AFF3: variants seen among roughly 807,000 people sequenced by gnomAD.
The protein encoded by AFF3 is ALF transcription elongation factor 3, also known as AF4/FMR2 family member 3.
In AFF3, 32 loss-of-function variants were observed where a neutral mutation model predicts 129.7. The observed-to-expected ratio is 0.25, with a 90% CI of 0.19 to 0.33. AFF3 has a LOEUF of 0.33. Among genes scored for constraint, AFF3 ranks in the 10% least tolerant of loss-of-function variants. The pLI is 1.00. For synonymous variants in AFF3, 644 were observed against 635.4 expected (o/e 1.01, Z -0.20); for missense variants, 1,373 against 1,592.0 (o/e 0.86, Z 2.34).
Position 100,111,105 on chromosome 2 carries a change from TCATATAACCCTAC to T in AFF3, c.-144-5535_-144-5523del, listed in dbSNP as rs566667990. Among the ~76,000 whole-genome samples the T allele has an allele frequency of 2.1e-4, 32 of 152,324 alleles. No homozygotes were observed. In the South Asian group the frequency reaches 4.8e-3, roughly 23 times the overall value. ...GGAGGCTAGGTCCTTGATGACTGCT[TCATATAACCCTAC>T]CATCTTTGGACCATCCTACCCAGAT... On this transcript the variant is annotated intron_variant, in intron 2 of 24. Transcript: ENST00000672756.
chr2:99,551,991 C>CTCCAGGT (rs1194950737), intron 24 of AFF3, among the ~76,000 whole-genome samples: 1 of 152,188 alleles, frequency 6.6e-6, no homozygotes, highest in African/African-American at 2.4e-5. Flanking sequence ...AGGGGTGAGG[C>CTCCAGGT]TCCAGGTTCC....
At chr2:99,585,143 T>C (rs1057069354) in intron 16 of AFF3, among the ~76,000 whole-genome samples, 3 of 152,194 alleles carry the variant, frequency 2.0e-5, no homozygotes, top group Admixed American at 6.5e-5. Context: ...TGATTATAAT[T>C]GTTTCTCGAA....
At chr2:99,747,867 T>C (rs540676253) in intron 9 of AFF3, among the ~76,000 whole-genome samples, 9 of 152,154 alleles carry the variant, frequency 5.9e-5, no homozygotes, top group Non-Finnish European at 1.0e-4. Flanking sequence ...GCCAAAGTAA[T>C]TGGCTATAAA....
At chr2:99,847,153 T>G (rs906509070) in intron 7 of AFF3, among the ~76,000 whole-genome samples, 1 of 152,058 alleles carries the variant, frequency 6.6e-6, no homozygotes, top group African/African-American at 2.4e-5. Flanking sequence ...TACAACACCC[T>G]ATTTTAAATT....
chr2:99,961,046 A>C (rs1224944962), intron 7 of AFF3, among the ~76,000 whole-genome samples: 2 of 152,196 alleles, frequency 1.3e-5, no homozygotes. Context: ...AGCCAGCCAG[A>C]TACCCTTTCA....
intron 8 of AFF3, among the ~76,000 whole-genome samples, chr2:99,756,017 C>T (rs371005275): frequency 1.3e-5 from 2 of 152,202 alleles, no homozygotes; most frequent in African/African-American, 4.8e-5. Context: ...GGTAACTGTG[C>T]ACAATGGTGG....
At chr2:99,914,759 CA>C (rs113656836) in intron 7 of AFF3, among the ~76,000 whole-genome samples, 105 of 143,136 alleles carry the variant, frequency 7.3e-4, no homozygotes, top group African/African-American at 9.9e-4. Flanking sequence ...ACTAAAAATA[CA>C]AAAAAAAAAA....
At chr2:99,718,806 A>G (rs1462020488) in intron 11 of AFF3, among the ~76,000 whole-genome samples, 2 of 150,834 alleles carry the variant, frequency 1.3e-5, no homozygotes, top group Admixed American at 6.6e-5. Context: ...GCTGGACTGC[A>G]GTGGCACGAT....
At chr2:99,707,365 T>A in intron 11 of AFF3, 1 of 985,264 alleles carries the variant, frequency 1.0e-6, no homozygotes, top group Non-Finnish European at 1.2e-6. Flanking sequence ...AAAAAAGCCA[T>A]CTTCATGCTT....
chr2:99,802,479 G>A (rs1174554583), intron 8 of AFF3, among the ~76,000 whole-genome samples: 2 of 152,094 alleles, frequency 1.3e-5, no homozygotes, highest in African/African-American at 4.8e-5. Flanking sequence ...TGGGCAAGAT[G>A]GTGAGACCCT....
intron 8 of AFF3, among the ~76,000 whole-genome samples, chr2:99,800,000 T>C (rs1336177179): frequency 6.6e-6 from 1 of 152,150 alleles, no homozygotes; most frequent in Non-Finnish European, 1.5e-5. Flanking sequence ...AAAAAATCCA[T>C]TGTGACTTTA....
At chr2:99,736,184 G>A (rs1031411371) in intron 10 of AFF3, among the ~76,000 whole-genome samples, 1 of 152,034 alleles carries the variant, frequency 6.6e-6, no homozygotes, top group Admixed American at 6.6e-5. Flanking sequence ...TTTTCTGTTT[G>A]CATTATACAA....
chr2:99,550,458 C>A lies in AFF3; in HGVS notation c.*1016G>T, dbSNP rs1346712126. 4.3e-6 allele frequency: 1 copy of A among 230,964 alleles called. No individual in the cohort carries two copies. Among genetic ancestry groups the A allele is most frequent in the Non-Finnish European group, 8.6e-6 (1 of 116,672 alleles). 14.3% of individuals were successfully genotyped at this position (230,964 alleles called of 1,614,324 possible). On this transcript the variant is annotated 3_prime_UTR_variant, in exon 25 of 25. Coordinates refer to ENST00000672756, the MANE Select transcript of AFF3 (RefSeq NM_001386135.1). ...GGTAAGCGAAGGATTCAGGCTCCTA[C>A]TGAAGGGACAATCTAGGTAATGGCC...
chr2:99,551,883 G>C (rs904960443), intron 24 of AFF3, among the ~76,000 whole-genome samples: 1 of 152,138 alleles, frequency 6.6e-6, no homozygotes, highest in Admixed American at 6.5e-5. Flanking sequence ...CATTCTCCTA[G>C]TCCAGTAATG....
intron 4 of AFF3, among the ~76,000 whole-genome samples, chr2:100,061,956 G>A (rs1573304307): frequency 6.6e-6 from 1 of 152,224 alleles, no homozygotes; most frequent in East Asian, 1.9e-4. Flanking sequence ...GAGGCCTGCT[G>A]GACTGGCAGC....
At chr2:99,595,884 C>T (rs527698592) in intron 14 of AFF3, among the ~76,000 whole-genome samples, 32 of 152,344 alleles carry the variant, frequency 2.1e-4, no homozygotes, top group Non-Finnish European at 3.5e-4. Flanking sequence ...GGACATCTTG[C>T]TGGTTGCCCC....
chr2:99,623,997 G>C (rs899063367), intron 13 of AFF3, among the ~76,000 whole-genome samples: 3 of 152,224 alleles, frequency 2.0e-5, no homozygotes, highest in African/African-American at 7.2e-5. Flanking sequence ...GCCAACCACA[G>C]AGCATTAAAC....
chr2:100,130,261 C>T (rs1043057768), intron 1 of AFF3, among the ~76,000 whole-genome samples: 1 of 152,160 alleles, frequency 6.6e-6, no homozygotes, highest in Non-Finnish European at 1.5e-5. Context: ...CAGATGTCAT[C>T]CTTCCTAAAA....
chr2:100,015,311 T>C (rs1035452466), intron 4 of AFF3, among the ~76,000 whole-genome samples: 1 of 152,118 alleles, frequency 6.6e-6, no homozygotes, highest in African/African-American at 2.4e-5. Flanking sequence ...TATATCAGGC[T>C]GCCTCTAAGC....
Sources: allele counts gnomAD v4.1 joint callset (sites outside exome capture counted in the v4.1 genomes callset), GRCh38; gene constraint gnomAD v4.1.1; transcripts MANE v1.5; gene names NCBI Gene and HGNC (gene_info 2026-07-23, HGNC 2026-07-21).